Variants in EPG5 observed in about 807,000 individuals in gnomAD.
EPG5 encodes the protein ectopic P granules protein 5 homolog.
In EPG5, 159 loss-of-function variants were observed where a neutral mutation model predicts 302.7. That is an observed-to-expected ratio of 0.53 (90% CI 0.46 to 0.60). The LOEUF is 0.60. EPG5 is among the 20% of genes least tolerant of loss of function. The pLI, the probability that EPG5 is intolerant of heterozygous loss-of-function variation, is 0.00. For missense variants in EPG5, 2,896 were observed against 3,092.4 expected (o/e 0.94, Z 1.51); for synonymous variants, 1,158 against 1,136.8 (o/e 1.02, Z -0.37).
intron 43 of EPG5, among the ~76,000 whole-genome samples, chr18:45,855,045 T>G: frequency 6.6e-6 from 1 of 151,838 alleles, no homozygotes; most frequent in East Asian, 1.9e-4. Flanking sequence ...CCATAGGTTA[T>G]AGGAATGTGG....
chr18:45,866,761 G>T, intron 38 of EPG5, 37 bp downstream of exon 38: 1 of 1,522,452 alleles, frequency 6.6e-7, no homozygotes, highest in Non-Finnish European at 9.1e-7. Flanking sequence ...CAATCTCCAG[G>T]AACAGTCTCT....
intron 4 of EPG5, 97 bp downstream of exon 4, chr18:45,951,005 G>A: frequency 1.0e-6 from 1 of 995,920 alleles, no homozygotes; most frequent in South Asian, 3.1e-5. Flanking sequence ...TAAATTAGCT[G>A]AAAAAGTTGA....
intron 33 of EPG5, among the ~76,000 whole-genome samples, chr18:45,878,718 C>T (rs1226134635): frequency 2.0e-5 from 3 of 152,132 alleles, no homozygotes; most frequent in African/African-American, 4.8e-5. Flanking sequence ...AGATTTAGAA[C>T]CCCATCTTAG....
Position 45,952,470 on chromosome 18 carries a change from C to T in EPG5, c.1182G>A (p.Glu394=), listed in dbSNP as rs1293463823. Residue 394 remains glutamate (E), a synonymous_variant, in exon 3 of 44, where the codon GAG becomes GAA. Coordinates refer to ENST00000282041, the MANE Select transcript of EPG5 (RefSeq NM_020964.3). ...TACTGAGCAATGCATAGATGTAAGA[C>T]TCCACTTGCAATCTTGAGAGCACAG... ...YTSVLSRLQV[E]SYIYALLSSS... 1 of 1,614,078 alleles carries T rather than the reference C, an allele frequency of 6.2e-7. No homozygotes were observed. Among genetic ancestry groups the T allele is most frequent in the Admixed American group, 1.7e-5 (1 of 59,998 alleles).
In EPG5 at chr18:45,915,616, G is replaced by A. The variant is rs2050012123; in HGVS notation, c.3588C>T (p.Ala1196=). The A allele has an allele frequency of 6.2e-7, 1 of 1,613,302 alleles. No individual in the cohort carries two copies. The highest frequency in any genetic ancestry group is 8.5e-7 in the Non-Finnish European group (1 of 1,179,396). ...QKLLYQQHKN[A]LGYHCDRSLL... Reference sequence around the variant, plus strand: ...GACTCCGGTCACAGTGGTAACCCAAGGCATTCTACACCGGGAGATGTGGAG... The same window carrying A: ...GACTCCGGTCACAGTGGTAACCCAAAGCATTCTACACCGGGAGATGTGGAG... Residue 1196 remains alanine (A), a synonymous_variant, in exon 20 of 44, where the codon GCC becomes GCT. Transcript: ENST00000282041.
At position 45,952,601 on chromosome 18, in the gene EPG5, A is replaced by G; in HGVS notation, c.1051T>C (p.Tyr351His). 1 of 1,614,176 alleles carries G rather than the reference A, an allele frequency of 6.2e-7. No homozygotes were observed. The change falls in exon 3 of 44, where the codon TAC becomes CAC. Residue 351 changes from tyrosine to histidine, a missense_variant. Tyr to His is a moderately conservative substitution (Grantham distance 83, BLOSUM62 2). Transcript: ENST00000282041. ...TTTTCATTCATTTCTACTCTTTGGT[A>G]GCGATGATAGCTGAAAACTTTCACT... ...DQVKVFSYHR[Y>H]QRVEMNENAL...
intron 2 of EPG5, chr18:45,953,288 T>C: frequency 2.0e-6 from 2 of 985,010 alleles, no homozygotes; most frequent in Non-Finnish European, 2.4e-6. Context: ...CAATGTGATA[T>C]CTCCAAAACT....
rs759168281 is a variant in EPG5 at position 45,948,534 on chromosome 18, G to T, written c.1540C>A (p.Gln514Lys). Residue 514 changes from glutamine to lysine, a missense_variant, in exon 6 of 44, where the codon CAA (glutamine) becomes AAA (lysine). This residue lies in a region of EPG5 where 1,390 missense variants were observed against 1,430.0 expected (regional missense o/e 0.97). Transcript: ENST00000282041. ...GGAGACATCAGCAGGGCAAGGGATTGCATAAAATGAAAGACCCCTGATGGG... is the reference window on the plus strand; with the variant it reads ...GGAGACATCAGCAGGGCAAGGGATTTCATAAAATGAAAGACCCCTGATGGG... ...HNPSGVFHFM[Q>K]SLALLMSPVK... is the part of the protein sequence containing the mutation. 4 of 1,613,696 alleles carry T rather than the reference G, an allele frequency of 2.5e-6. No individual in the cohort carries two copies. The highest frequency in any genetic ancestry group is 2.5e-6 in the Non-Finnish European group (3 of 1,179,806).
At chr18:45,949,057 T>C (rs561450923) in intron 5 of EPG5, among the ~76,000 whole-genome samples, 54 of 152,298 alleles carry the variant, frequency 3.5e-4, no homozygotes, top group African/African-American at 1.3e-3. Flanking sequence ...CTCCTAAGTA[T>C]ACAAGAGTTG....
chr18:45,940,906 G>A (rs955253164), intron 9 of EPG5, among the ~76,000 whole-genome samples: 1 of 152,204 alleles, frequency 6.6e-6, no homozygotes, highest in African/African-American at 2.4e-5. Context: ...GGGAAGGGGG[G>A]AGAGTGAGTT....
chr18:45,807,028 G>C, the EPG5 span, among the ~76,000 whole-genome samples: 2 of 152,198 alleles, frequency 1.3e-5, no homozygotes, highest in African/African-American at 4.8e-5. Context: ...ATTGGCAGGC[G>C]GGGGGCAGGG....
chr18:45,834,025 T>G, the EPG5 span, among the ~76,000 whole-genome samples: 42 of 152,358 alleles, frequency 2.8e-4, no homozygotes, highest in African/African-American at 2.4e-5. Flanking sequence ...TACGCCTTCA[T>G]GCCTGGCAAC....
chr18:45,867,574 C>T lies in EPG5; in HGVS notation c.6400G>A (p.Val2134Ile), dbSNP rs764063278. The T allele has an allele frequency of 6.2e-7, 1 of 1,613,780 alleles. No homozygotes were observed. The highest frequency in any genetic ancestry group is 1.1e-5 in the South Asian group (1 of 91,042). Reference protein sequence around the residue: ...MILLAKEVQLVDQTDSPLLSL... With the variant: ...MILLAKEVQLIDQTDSPLLSL... ...CTTCCCAAACTTACTGTTTGGTCTA[C>T]CAGTTGAACTTCCTTTGCCAATAAA... The change falls in exon 37 of 44, where the codon GTA (valine) becomes ATA (isoleucine). Residue 2134 changes from valine to isoleucine, a missense_variant. Around this residue, in one of 5 missense-constraint regions of EPG5, gnomAD observed 620 missense variants for 704.2 expected, o/e 0.88. Coordinates refer to ENST00000282041, the MANE Select transcript of EPG5 (RefSeq NM_020964.3).
chr18:45,838,846 G>C, the EPG5 span: 1 of 1,572,288 alleles, frequency 6.4e-7, no homozygotes, highest in Non-Finnish European at 8.6e-7. Flanking sequence ...CAACAGCTTG[G>C]CAGCCGTGCG....
At chr18:45,878,345 A>T in intron 34 of EPG5, 31 bp downstream of exon 34, 1 of 1,452,412 alleles carries the variant, frequency 6.9e-7, no homozygotes, top group Non-Finnish European at 9.7e-7. Flanking sequence ...ACAAACGTCA[A>T]AGGAATTTGA....
chr18:45,832,663 T>C, the EPG5 span, among the ~76,000 whole-genome samples: 30,353 of 152,034 alleles, frequency 0.2, 3,652 homozygotes, highest in Admixed American at 0.34. Flanking sequence ...CCCCTGAAGG[T>C]TGACAGAGAT....
chr18:45,830,555 G>A, the EPG5 span, among the ~76,000 whole-genome samples: 1 of 141,972 alleles, frequency 7.0e-6, no homozygotes, highest in East Asian at 2.1e-4. Flanking sequence ...AAAGTCCTTT[G>A]ATTTATTTTA....
intron 1 of EPG5, among the ~76,000 whole-genome samples, chr18:45,959,884 C>A (rs113139971): frequency 6.6e-6 from 1 of 152,044 alleles, no homozygotes; most frequent in African/African-American, 2.4e-5. Flanking sequence ...GAAGCTGAAG[C>A]AAGAGAATCA....
chr18:45,953,475 G>C, intron 2 of EPG5: 1 of 985,300 alleles, frequency 1.0e-6, no homozygotes, highest in Non-Finnish European at 1.2e-6. Context: ...CAATGAATGA[G>C]GATTAGGGAT....
Sources: gnomAD v4.1 joint callset for allele counts (sites outside exome capture counted in the v4.1 genomes callset) on GRCh38, gnomAD v4.1.1 for gene constraint, gnomAD v4.1.1 regional missense constraint, MANE v1.5 for transcripts, NCBI Gene and HGNC (gene_info 2026-07-23, HGNC 2026-07-21) for gene names.